Variants in CDC20B observed in about 807,000 individuals in gnomAD.
CDC20B encodes cell division cycle protein 20 homolog B.
CDC20B carries 58 observed loss-of-function variants against 64.1 expected under a neutral mutation model. The observed-to-expected ratio is 0.90, with a 90% confidence interval of 0.73 to 1.13. The LOEUF is 1.13. CDC20B is among the 50% of genes most tolerant of loss of function. The pLI, the probability that CDC20B is intolerant of heterozygous loss-of-function variation, is 0.00. For synonymous variants in CDC20B, 243 were observed against 230.6 expected (o/e 1.05, Z -0.49); for missense variants, 597 against 633.0 (o/e 0.94, Z 0.61).
At chr5:55,153,820 T>C (rs1457012859) in intron 2 of CDC20B, among the ~76,000 whole-genome samples, 1 of 152,238 alleles carries the variant, frequency 6.6e-6, no homozygotes, top group Admixed American at 6.5e-5. Flanking sequence ...TATTCTTATT[T>C]AGATTTTTTT....
chr5:55,119,340 T>C (rs1020113284), intron 11 of CDC20B, among the ~76,000 whole-genome samples: 1 of 152,096 alleles, frequency 6.6e-6, no homozygotes, highest in Non-Finnish European at 1.5e-5. Context: ...AAGTACCCAG[T>C]AAAAGTTTGT....
chr5:55,127,304 A>G lies in CDC20B; in HGVS notation c.942T>C (p.His314=), dbSNP rs774174254. ...TKKRLRNMLG[H]LSVVGALSWN... is the part of the protein sequence containing the mutation. ...AGCTCAGAGCCCCAACTACTGACAA[A>G]TGACCAAGCATATTTCTCAGCCGCT... is the stretch of plus-strand genomic sequence containing the variant. Residue 314 remains histidine (H), a synonymous_variant, in exon 8 of 12, where the codon CAT becomes CAC. Coordinates refer to ENST00000381375, the MANE Select transcript of CDC20B (RefSeq NM_001170402.1). 34 of 1,614,042 alleles carry G rather than the reference A, an allele frequency of 2.1e-5. No homozygotes were observed. Among genetic ancestry groups the G allele is most frequent in the Admixed American group, 6.7e-5 (4 of 60,006 alleles).
Position 55,120,511 on chromosome 5 carries a change from T to A in CDC20B, c.1255A>T (p.Ile419Phe), listed in dbSNP as rs748574072. 4 of 1,613,772 alleles carry A rather than the reference T, an allele frequency of 2.5e-6. No homozygotes were observed. The highest frequency in any genetic ancestry group is 4.5e-5 in the East Asian group (2 of 44,864). ...CGTCCATCCTTCATTCCTCCTCCAA[T>A]GGCAAGGACCCCAGACTGCCAGGGA... ...WCPWQSGVLAIGGGMKDGRLH... is the reference protein window; with the variant it reads ...WCPWQSGVLAFGGGMKDGRLH... The change falls in exon 10 of 12, where the codon ATT becomes TTT. Residue 419 changes from isoleucine to phenylalanine, a missense_variant. By Grantham distance (21) the Ile-to-Phe change is conservative. This residue lies in a region of CDC20B where 353 missense variants were observed against 397.0 expected (regional missense o/e 0.89). Coordinates refer to ENST00000381375, the MANE Select transcript of CDC20B (RefSeq NM_001170402.1).
Position 55,128,563 on chromosome 5 carries a change from G to A in CDC20B, c.752C>T (p.Ser251Phe). ...CTCCCCATTCCAGATGTATACAGCA[G>A]AGCCCAGGGCTATGGCAACAAGATT... ...FQNLVAIALG[S>F]AVYIWNGENH... The change falls in exon 7 of 12, where the codon TCT becomes TTT. Residue 251 changes from serine (S) to phenylalanine (F), a missense_variant. Around this residue, in one of 3 missense-constraint regions of CDC20B, gnomAD observed 353 missense variants for 397.0 expected, o/e 0.89. Coordinates refer to ENST00000381375, the MANE Select transcript of CDC20B (RefSeq NM_001170402.1). 6.2e-7 allele frequency: 1 copy of A among 1,601,342 alleles called. No homozygotes were observed.
chr5:55,137,347 A>G (rs1473079419), intron 5 of CDC20B: 3 of 339,804 alleles, frequency 8.8e-6, no homozygotes, highest in East Asian at 7.4e-5. Flanking sequence ...TTCGGCAAAG[A>G]GGTACACCTG....
rs200843551 is a variant in CDC20B, at chr5:55,161,178, A to G, written c.126+11410T>C. On this transcript the variant is annotated intron_variant, in intron 2 of 11. Coordinates refer to ENST00000381375, the MANE Select transcript of CDC20B (RefSeq NM_001170402.1). ...GTAGAATCTTTTGCAAGAAAAAACT[A>G]CGGAGTAACTTTCCCCATCTTCCAC... 2 of 1,614,210 alleles carry G rather than the reference A, an allele frequency of 1.2e-6. No homozygotes were observed. The highest frequency in any genetic ancestry group is 1.7e-6 in the Non-Finnish European group (2 of 1,180,004).
At chr5:55,121,178 T>C (rs937355977) in intron 9 of CDC20B, among the ~76,000 whole-genome samples, 11 of 152,306 alleles carry the variant, frequency 7.2e-5, no homozygotes, top group Non-Finnish European at 1.3e-4. Context: ...TAACAAATAC[T>C]ACAGTTATAT....
intron 6 of CDC20B, among the ~76,000 whole-genome samples, chr5:55,132,453 C>T (rs1353246049): frequency 6.6e-6 from 1 of 152,184 alleles, no homozygotes; most frequent in East Asian, 1.9e-4. Flanking sequence ...TGATTGTCTC[C>T]TTTAAAATAA....
In CDC20B at chr5:55,147,026, AT is replaced by A. The variant is rs1743503357; in HGVS notation, c.127-171del. Among the ~76,000 whole-genome samples the A allele has an allele frequency of 2.7e-5, 4 of 148,564 alleles. No homozygotes were observed. In the South Asian group the frequency reaches 8.4e-4, roughly 31 times the overall value. On this transcript the variant is annotated intron_variant, in intron 2 of 11. Transcript: ENST00000381375. ...GATATTATTTTATATATTTGTATAT[AT>A]TTTTGTATATAGTTATACGTAAAAT...
intron 3 of CDC20B, among the ~76,000 whole-genome samples, chr5:55,146,411 AG>A (rs1743476324): frequency 6.6e-6 from 1 of 152,164 alleles, no homozygotes; most frequent in South Asian, 2.1e-4. Flanking sequence ...ATTTGTCTAA[AG>A]TTTTGTTTTT....
At chr5:55,161,907 C>G (rs1236090448) in intron 2 of CDC20B, among the ~76,000 whole-genome samples, 3 of 152,072 alleles carry the variant, frequency 2.0e-5, no homozygotes, top group Non-Finnish European at 4.4e-5. Context: ...GGGTTCAAAC[C>G]CCTGCTCTTT....
chr5:55,134,436 T>TA (rs939592740), intron 5 of CDC20B, among the ~76,000 whole-genome samples: 7 of 149,752 alleles, frequency 4.7e-5, no homozygotes, highest in African/African-American at 4.9e-5. Context: ...TCAACAAGGT[T>TA]AAAAAAAAAA....
intron 4 of CDC20B, among the ~76,000 whole-genome samples, chr5:55,141,527 G>A (rs1331010939): frequency 1.3e-5 from 2 of 152,158 alleles, no homozygotes; most frequent in Non-Finnish European, 1.5e-5. Flanking sequence ...GATGACAAGT[G>A]GAGTTATACG....
chr5:55,143,374 A>T (rs1743381289), intron 4 of CDC20B, 139 bp downstream of exon 4: 2 of 849,364 alleles, frequency 2.4e-6, no homozygotes, highest in East Asian at 2.9e-5. Flanking sequence ...CATATCCTTC[A>T]ATTATTCATT....
chr5:55,120,647 G>A, intron 9 of CDC20B, 97 bp from the exon 10 acceptor site: 1 of 1,435,708 alleles, frequency 7.0e-7, no homozygotes, highest in Non-Finnish European at 9.6e-7. Flanking sequence ...CCCCACGTCT[G>A]CACCTGTCAC....
chr5:55,161,936 TCTTAA>T (rs1744087643), intron 2 of CDC20B, among the ~76,000 whole-genome samples: 1 of 152,136 alleles, frequency 6.6e-6, no homozygotes, highest in Admixed American at 6.6e-5. Context: ...CTATGTGGCT[TCTTAA>T]CTTCTCTGTG....
chr5:55,158,974 G>C (rs1318998732), intron 2 of CDC20B, among the ~76,000 whole-genome samples: 3 of 152,078 alleles, frequency 2.0e-5, no homozygotes, highest in African/African-American at 4.8e-5. Context: ...TTATTTAACT[G>C]TTAAATTACT....
At chr5:55,123,328 G>C (rs10078539) in intron 9 of CDC20B, among the ~76,000 whole-genome samples, 18,759 of 152,054 alleles carry the variant, frequency 0.12, 1,335 homozygotes, top group East Asian at 0.26. Context: ...AATTTCAAGA[G>C]GCTCAGAAAT....
chr5:55,146,490 T>C, intron 3 of CDC20B, 138 bp downstream of exon 3: 1 of 626,860 alleles, frequency 1.6e-6, no homozygotes. Context: ...ACCTTGGAAA[T>C]TTCTTATTCA....
Sources: gnomAD v4.1 joint callset for allele counts (sites outside exome capture counted in the v4.1 genomes callset) on GRCh38, gnomAD v4.1.1 for gene constraint, gnomAD v4.1.1 regional missense constraint, MANE v1.5 for transcripts, NCBI Gene and HGNC (gene_info 2026-07-23, HGNC 2026-07-21) for gene names.